The following NAALAD2 variants were observed in gnomAD, a reference collection of about 807,000 sequenced individuals.
NAALAD2 encodes the protein N-acetylated-alpha-linked acidic dipeptidase 2.
A neutral mutation model predicts 95.6 loss-of-function variants in NAALAD2; 89 were observed. The observed-to-expected ratio is 0.93, with a 90% CI of 0.78 to 1.11. The LOEUF (loss-of-function observed/expected upper bound fraction) is 1.11, where lower values mean the gene tolerates loss of function less well. NAALAD2 is among the 50% of genes least tolerant of loss of function. The pLI is 0.00. For synonymous variants in NAALAD2, 264 were observed against 294.4 expected (o/e 0.90, Z 1.06); for missense variants, 894 against 872.4 (o/e 1.02, Z -0.31).
intron 2 of NAALAD2, among the ~76,000 whole-genome samples, chr11:90,143,118 T>G (rs1951664032): frequency 1.3e-5 from 2 of 152,166 alleles, no homozygotes; most frequent in African/African-American, 2.4e-5. Context: ...GTATATGTAT[T>G]GTAAACCAAT....
intron 2 of NAALAD2, among the ~76,000 whole-genome samples, chr11:90,139,179 A>G (rs1183855197): frequency 6.6e-6 from 1 of 152,168 alleles, no homozygotes; most frequent in African/African-American, 2.4e-5. Flanking sequence ...CTGCAGGAAC[A>G]AAGTATGGGT....
chr11:90,178,149 C>CT (rs1361291232), intron 16 of NAALAD2, 32 bp downstream of exon 16: 1 of 1,577,768 alleles, frequency 6.3e-7, no homozygotes, highest in Admixed American at 1.8e-5. Flanking sequence ...ATTTTACAGT[C>CT]TTTAAGTTAG....
At chr11:90,180,975 C>A (rs577637266) in intron 16 of NAALAD2, among the ~76,000 whole-genome samples, 1 of 152,140 alleles carries the variant, frequency 6.6e-6, no homozygotes, top group African/African-American at 2.4e-5. Flanking sequence ...AGGTAACAGG[C>A]AAATACTATG....
intron 2 of NAALAD2, 102 bp from the exon 3 acceptor site, chr11:90,147,228 C>A: frequency 2.2e-6 from 2 of 908,488 alleles, no homozygotes; most frequent in Non-Finnish European, 3.3e-6. Flanking sequence ...ATAGGAATGA[C>A]AACTTAATGC....
intron 11 of NAALAD2, among the ~76,000 whole-genome samples, 177 bp from the exon 12 acceptor site, chr11:90,168,752 G>A (rs1952550896): frequency 6.6e-6 from 1 of 152,024 alleles, no homozygotes; most frequent in Admixed American, 6.5e-5. Flanking sequence ...TTGCGTAATT[G>A]TTGTTAACAA....
At position 90,155,710 on chromosome 11, in the gene NAALAD2, TTGTA is replaced by T. The variant is rs1181999684; in HGVS notation, c.797-2426_797-2423del. Among the ~76,000 whole-genome samples the T allele has an allele frequency of 1.1e-4, 5 of 45,618 alleles. 1 individual carries two copies. The highest frequency in any genetic ancestry group is 6.0e-4 in the East Asian group (1 of 1,666). 29.9% of individuals were successfully genotyped at this position (45,618 alleles called of 152,430 possible). On this transcript the variant is annotated intron_variant, in intron 6 of 18. Transcript: ENST00000534061. ...ATACATACATATGTATGTATTATTA[TTGTA>T]TGTATGTAATACATACATACATATG...
At chr11:90,149,591 C>T (rs1291941827) in intron 4 of NAALAD2, among the ~76,000 whole-genome samples, 1 of 152,034 alleles carries the variant, frequency 6.6e-6, no homozygotes, top group Admixed American at 6.6e-5. Context: ...CATGCCGCCA[C>T]ATCCTGCTAA....
rs150157433 is a variant in NAALAD2 at position 90,161,663 on chromosome 11, G to A, written c.990-1286G>A. Among the ~76,000 whole-genome samples, 6 of 152,288 alleles carry A rather than the reference G, an allele frequency of 3.9e-5. No individual in the cohort carries two copies. In the East Asian group the frequency reaches 5.8e-4, roughly 15 times the overall value. ...AAGACGTAGGTTTAAAGACGTAGAT[G>A]TGCTTCTTTGAGAATCTTAGCAGAT... On this transcript the variant is annotated intron_variant, in intron 8 of 18. Coordinates refer to ENST00000534061, the MANE Select transcript of NAALAD2 (RefSeq NM_005467.4).
In NAALAD2 at chr11:90,182,009, G is replaced by A. The variant is rs116282772; in HGVS notation, c.1940+308G>A. Among the ~76,000 whole-genome samples the A allele has an allele frequency of 3.7e-3, 550 of 149,164 alleles. 7 individuals are homozygous for A. The highest frequency in any genetic ancestry group is 0.013 in the African/African-American group (525 of 40,446). ...TGGTAGACTAAAAACTCATCCCAAA[G>A]AGACAAGGGCCAAAGGTACCTGTCA... On this transcript the variant is annotated intron_variant, in intron 17 of 18. Transcript: ENST00000534061.
intron 6 of NAALAD2, among the ~76,000 whole-genome samples, chr11:90,155,552 T>C (rs1329934910): frequency 8.9e-6 from 1 of 112,944 alleles, no homozygotes; most frequent in Non-Finnish European, 1.7e-5. Context: ...ATATGATATA[T>C]AATGTGTAAT....
chr11:90,135,110 G>A (rs1403409816), intron 1 of NAALAD2: 3 of 408,322 alleles, frequency 7.3e-6, no homozygotes, highest in African/African-American at 4.0e-5. Flanking sequence ...CTGTCTGCAG[G>A]GATGAAAAAA....
At chr11:90,133,317 A>C (rs1951381450), upstream of NAALAD2, among the ~76,000 whole-genome samples, 1 of 152,174 alleles carries the variant, frequency 6.6e-6, no homozygotes, top group Non-Finnish European at 1.5e-5. Flanking sequence ...GGTTGGATGA[A>C]GGCTATTTAC....
At chr11:90,173,613 A>G (rs1952705117) in intron 13 of NAALAD2, among the ~76,000 whole-genome samples, 1 of 152,228 alleles carries the variant, frequency 6.6e-6, no homozygotes, top group Admixed American at 6.5e-5. Context: ...ACACAGGTAG[A>G]CATCATGAAT....
At chr11:90,165,768 T>C (rs148705894) in intron 11 of NAALAD2, among the ~76,000 whole-genome samples, 85 of 152,332 alleles carry the variant, frequency 5.6e-4, no homozygotes, top group Middle Eastern at 3.4e-3. Flanking sequence ...GGTGAGGTCA[T>C]TTGCTTTTAG....
upstream of NAALAD2, chr11:90,134,501 C>T (rs1487878993): frequency 2.0e-6 from 1 of 491,354 alleles, no homozygotes; most frequent in Admixed American, 3.3e-5. Flanking sequence ...CTACTATGTC[C>T]GGGTTACTGC....
At chr11:90,155,491 A>T (rs1471558697) in intron 6 of NAALAD2, among the ~76,000 whole-genome samples, 1 of 114,344 alleles carries the variant, frequency 8.7e-6, no homozygotes, top group African/African-American at 3.6e-5. Context: ...TATTATATAT[A>T]ATATATTATA....
intron 5 of NAALAD2, 120 bp downstream of exon 5, chr11:90,150,727 T>TTC (rs1304373378): frequency 1.9e-5 from 17 of 906,434 alleles, no homozygotes; most frequent in South Asian, 4.2e-5. Flanking sequence ...CTTTTTTTCT[T>TTC]CCTATTTGCC....
intron 6 of NAALAD2, among the ~76,000 whole-genome samples, chr11:90,156,599 G>C (rs559655585): frequency 4.3e-4 from 66 of 152,102 alleles, no homozygotes; most frequent in African/African-American, 1.5e-3. Flanking sequence ...TTAGAGACAA[G>C]ATTCCACTCT....
intron 18 of NAALAD2, among the ~76,000 whole-genome samples, chr11:90,184,151 T>C (rs1265452000): frequency 6.6e-6 from 1 of 152,178 alleles, no homozygotes; most frequent in Non-Finnish European, 1.5e-5. Context: ...ATTGCTACTT[T>C]AAAGGCTATT....
Sources: gnomAD v4.1 joint callset for allele counts (sites outside exome capture counted in the v4.1 genomes callset) on GRCh38, gnomAD v4.1.1 for gene constraint, MANE v1.5 for transcripts, NCBI Gene and HGNC (gene_info 2026-07-23, HGNC 2026-07-21) for gene names.